RUBCN: variants seen among roughly 807,000 people sequenced by gnomAD.
RUBCN encodes run domain Beclin-1-interacting and cysteine-rich domain-containing protein.
Under a neutral mutation model 113.2 loss-of-function variants are expected in RUBCN, and 74 were observed. The ratio of observed to expected loss-of-function variants is 0.65; its 90% CI spans 0.54 to 0.79. RUBCN has a LOEUF of 0.79. Ranked by LOEUF, RUBCN falls within the 30% of genes least tolerant of loss-of-function variation. The pLI, the probability that RUBCN is intolerant of heterozygous loss-of-function variation, is 0.00. For missense variants in RUBCN, 1,109 were observed against 1,251.7 expected, an observed-to-expected ratio of 0.89 and a Z score of 1.72; for synonymous variants, 480 against 490.0, an observed-to-expected ratio of 0.98 and a Z score of 0.27.
At chr3:197,684,642 T>C (rs923202335) in intron 11 of RUBCN, among the ~76,000 whole-genome samples, 6 of 151,902 alleles carry the variant, frequency 3.9e-5, no homozygotes, top group African/African-American at 1.5e-4. Flanking sequence ...TAACTCTGTC[T>C]GGCTTATATA....
At chr3:197,695,748 C>T (rs1390333939) in intron 9 of RUBCN, 118 bp downstream of exon 9, 17 of 913,588 alleles carry the variant, frequency 1.9e-5, no homozygotes, top group Non-Finnish European at 2.3e-5. Flanking sequence ...TTCCCTTTAC[C>T]GTGAACTTAT....
chr3:197,674,834 A>G lies in RUBCN; in HGVS notation c.*184T>C. On this transcript the variant is annotated 3_prime_UTR_variant, in exon 20 of 20. Coordinates refer to ENST00000296343, the MANE Select transcript of RUBCN (RefSeq NM_014687.4). Reference sequence around the variant, plus strand: ...ATCTGTCACCACAGACTCTGGACCCATCAACCTGCCGACGGCTGACTGCAC... The same window carrying G: ...ATCTGTCACCACAGACTCTGGACCCGTCAACCTGCCGACGGCTGACTGCAC... 1 of 569,216 alleles carries G rather than the reference A, an allele frequency of 1.8e-6. No homozygotes were observed. The highest frequency in any genetic ancestry group is 3.0e-6 in the Non-Finnish European group (1 of 332,032). 35.3% of individuals were successfully genotyped at this position (569,216 alleles called of 1,614,324 possible).
In RUBCN at chr3:197,675,416, C is replaced by A. The variant is rs762238011; in HGVS notation, c.2740+6G>T. The A allele has an allele frequency of 1.9e-6, 3 of 1,611,272 alleles. No homozygotes were observed. The Admixed American group carries it at 5.0e-5, about 27-fold the overall frequency. On this transcript the variant is annotated splice_donor_region_variant and intron_variant, in intron 19 of 19. Coordinates refer to ENST00000296343, the MANE Select transcript of RUBCN (RefSeq NM_014687.4). This position sits in a 1 kb window ranked among gnomAD's most constrained non-coding sequence, Gnocchi z 4.4. ...TCACTTGCCCGATGCCTGCACCTGC[C>A]CTCACCTTCACAGGTCCGGCACTTA...
intron 18 of RUBCN, 58 bp downstream of exon 18, chr3:197,676,827 C>A (rs367584206): frequency 2.4e-5 from 38 of 1,612,798 alleles, no homozygotes; most frequent in South Asian, 5.5e-5. Context: ...GGTCCACCCC[C>A]CTCCCTGTAT....
intron 1 of RUBCN, among the ~76,000 whole-genome samples, chr3:197,719,453 G>C (rs1258833273): frequency 1.3e-5 from 2 of 148,876 alleles, no homozygotes; most frequent in Non-Finnish European, 3.0e-5. Flanking sequence ...ACTCCAGCCT[G>C]GGCAACAAGT....
chr3:197,669,213 C>T lies in RUBCN; in HGVS notation c.*5805G>A, dbSNP rs1281400804. Among the ~76,000 whole-genome samples the T allele has an allele frequency of 6.6e-6, 1 of 152,176 alleles. No individual in the cohort carries two copies. Among genetic ancestry groups the T allele is most frequent in the Non-Finnish European group, 1.5e-5 (1 of 68,036 alleles). ...TGGACATTTCCCAAAACTAAGGAAC[C>T]AACATTGGTATGTTACTTTTAACTA... On this transcript the variant is annotated 3_prime_UTR_variant, in exon 20 of 20. Transcript: ENST00000296343.
chr3:197,733,862 C>T (rs762745149), intron 1 of RUBCN, among the ~76,000 whole-genome samples: 6 of 152,186 alleles, frequency 3.9e-5, no homozygotes, highest in Non-Finnish European at 7.3e-5. Flanking sequence ...ATCCTACTGG[C>T]CTGAATGACA....
chr3:197,703,333 G>A (rs1723892937), intron 5 of RUBCN, among the ~76,000 whole-genome samples: 1 of 140,828 alleles, frequency 7.1e-6, no homozygotes, highest in Non-Finnish European at 1.5e-5. Context: ...AGGAGATAGA[G>A]GTTGCAGTGA....
At chr3:197,692,957 G>A (rs769997662) in intron 11 of RUBCN, among the ~76,000 whole-genome samples, 2 of 152,210 alleles carry the variant, frequency 1.3e-5, no homozygotes, top group Non-Finnish European at 2.9e-5. Context: ...CATACACAAT[G>A]TTGTAACAGA....
rs951614430 is a variant in RUBCN at position 197,718,257 on chromosome 3, T to C, written c.66-127A>G. ...CTAACATTCTCTCCCCTCTTAATTT[T>C]TACTTGGGCACAAAACTCAACTCTG... On this transcript the variant is annotated intron_variant, in intron 1 of 19. Coordinates refer to ENST00000296343, the MANE Select transcript of RUBCN (RefSeq NM_014687.4). 16 of 1,009,442 alleles carry C rather than the reference T, an allele frequency of 1.6e-5. No homozygotes were observed. The African/African-American group carries it at 2.6e-4, about 16-fold the overall frequency. The allele number at this position is 1,009,442 out of a possible 1,614,324, so 62.5% of individuals were successfully genotyped here.
In RUBCN at chr3:197,700,643, C is replaced by T. The variant is rs751614752; in HGVS notation, c.1231G>A (p.Asp411Asn). ...GCTCCCCTGGAGGCAATGCTGGTAT[C>T]CGAATGGGAGCGAATGTGGCTTTTC... The part of the protein sequence containing the change: ...AKKSHIRSHS[D>N]TSIASRGAPE... The change falls in exon 7 of 20, where the codon GAT (aspartate) becomes AAT (asparagine). Residue 411 changes from aspartate (D) to asparagine (N), a missense_variant. Asp to Asn is a conservative substitution (Grantham distance 23). Around this residue, in one of 3 missense-constraint regions of RUBCN, gnomAD observed 736 missense variants for 779.6 expected, o/e 0.94. Transcript: ENST00000296343. 51 of 1,614,066 alleles carry T rather than the reference C, an allele frequency of 3.2e-5. No homozygotes were observed. In the South Asian group the frequency reaches 4.9e-4, roughly 16 times the overall value.
At chr3:197,678,192 TCGA>T (rs909166771) in intron 16 of RUBCN, among the ~76,000 whole-genome samples, 2 of 146,442 alleles carry the variant, frequency 1.4e-5, no homozygotes, top group African/African-American at 5.2e-5. Flanking sequence ...ACGCTCTAAC[TCGA>T]CAACTGGCTT....
At position 197,671,430 on chromosome 3, in the gene RUBCN, T is replaced by C. The variant is rs1366021982; in HGVS notation, c.*3588A>G. On this transcript the variant is annotated 3_prime_UTR_variant, in exon 20 of 20. Coordinates refer to ENST00000296343, the MANE Select transcript of RUBCN (RefSeq NM_014687.4). ...TGGCAGAAAAGTAATGAGAGATTTATTTTAGAGGAAAACATCCACAGAACT... is the reference window on the plus strand; with the variant it reads ...TGGCAGAAAAGTAATGAGAGATTTACTTTAGAGGAAAACATCCACAGAACT... 1 of 152,216 alleles carries C rather than the reference T, an allele frequency of 6.6e-6. No homozygotes were observed. The highest frequency in any genetic ancestry group is 1.5e-5 in the Non-Finnish European group (1 of 68,036). The allele number at this position is 152,216 out of a possible 1,614,324, so 9.4% of individuals were successfully genotyped here.
At chr3:197,699,497 A>C (rs1580247875) in intron 7 of RUBCN, among the ~76,000 whole-genome samples, 1 of 152,158 alleles carries the variant, frequency 6.6e-6, no homozygotes, top group Admixed American at 6.5e-5. Flanking sequence ...ATGGGGCGGG[A>C]AAGTTTTACA....
chr3:197,736,303 CCT>C (rs1032488022), intron 1 of RUBCN, among the ~76,000 whole-genome samples: 21 of 152,144 alleles, frequency 1.4e-4, no homozygotes, highest in Admixed American at 3.3e-4. Flanking sequence ...GTGCCCTGCC[CCT>C]GTCTATAGAC....
upstream of RUBCN, among the ~76,000 whole-genome samples, chr3:197,740,077 A>C (rs1263673570): frequency 1.3e-5 from 2 of 152,266 alleles, no homozygotes; most frequent in East Asian, 3.9e-4. Context: ...AAATTGTAGC[A>C]AAAAGGCTGG....
Position 197,736,811 on chromosome 3 carries a change from C to T in RUBCN, c.-92G>A. 5 of 1,443,892 alleles carry T rather than the reference C, an allele frequency of 3.5e-6. No homozygotes were observed. The South Asian group carries it at 7.1e-5, about 20-fold the overall frequency. The allele number at this position is 1,443,892 out of a possible 1,614,324, so 89.4% of individuals were successfully genotyped here. A position where few individuals can be genotyped will look rare whatever the true frequency, so the allele number is the denominator to read the frequency against. On this transcript the variant is annotated 5_prime_UTR_variant, in exon 1 of 20. Coordinates refer to ENST00000296343, the MANE Select transcript of RUBCN (RefSeq NM_014687.4). ...CGGGGCCCCCTGGGGCCGGAGGAGG[C>T]ACCTGCGGCCGGTGGGCTCCGGGTG... is the stretch of plus-strand genomic sequence containing the variant.
intron 11 of RUBCN, among the ~76,000 whole-genome samples, chr3:197,684,812 T>A (rs1721661371): frequency 6.6e-6 from 1 of 152,142 alleles, no homozygotes; most frequent in Non-Finnish European, 1.5e-5. Context: ...GAGGTTCTCA[T>A]GAAATATATG....
Position 197,682,931 on chromosome 3 carries a change from G to A in RUBCN, c.1981-316C>T, listed in dbSNP as rs146787672. ...CAGCCTACCAGGGCAGTGGCCCCAC[G>A]GCTCATGCTGTCCCTGCACCCATCC... On this transcript the variant is annotated intron_variant, in intron 13 of 19. Transcript: ENST00000296343. 2.0e-3 allele frequency among the ~76,000 whole-genome samples: 305 copies of A among 152,288 alleles called. 2 individuals are homozygous for A. The highest frequency in any genetic ancestry group is 7.1e-3 in the African/African-American group (295 of 41,566).
Sources: gnomAD v4.1 joint callset for allele counts (sites outside exome capture counted in the v4.1 genomes callset) on GRCh38, gnomAD v4.1.1 for gene constraint, gnomAD v4.1.1 regional missense constraint, Gnocchi (gnomAD v3.1) non-coding constraint, MANE v1.5 for transcripts, NCBI Gene and HGNC (gene_info 2026-07-23, HGNC 2026-07-21) for gene names.